The following NRF1 variants were observed in gnomAD, a reference collection of about 807,000 sequenced individuals.
NRF1 encodes alpha palindromic-binding protein.
Under a neutral mutation model 58.5 loss-of-function variants are expected in NRF1, and 5 were observed. The ratio of observed to expected loss-of-function variants is 0.09; its 90% CI spans 0.04 to 0.18. The LOEUF (loss-of-function observed/expected upper bound fraction) is 0.18. NRF1 is among the 10% of genes least tolerant of loss of function. The pLI is 1.00. For missense variants in NRF1, 288 were observed against 657.7 expected (o/e 0.44, Z 6.15); for synonymous variants, 224 against 246.7 (o/e 0.91, Z 0.86).
intron 10 of NRF1, among the ~76,000 whole-genome samples, chr7:129,729,821 T>A (rs997588819): frequency 5.9e-5 from 9 of 152,008 alleles, no homozygotes; most frequent in Non-Finnish European, 2.9e-5. Flanking sequence ...GTTGCCAGAG[T>A]TTGTTGCTTC....
In NRF1 at chr7:129,681,055, G is replaced by A. The variant is rs145090362; in HGVS notation, c.465+3297G>A. ...GGTCTTGAATGGGGAGATTATTCTC[G>A]ATTATCCAGGTAGGCCCTAAATGTA... On this transcript the variant is annotated intron_variant, in intron 4 of 10. Coordinates refer to ENST00000393232, the MANE Select transcript of NRF1 (RefSeq NM_005011.5). 2.4e-3 allele frequency among the ~76,000 whole-genome samples: 358 copies of A among 152,244 alleles called. 1 individual carries two copies. The highest frequency in any genetic ancestry group is 6.9e-3 in the African/African-American group (286 of 41,534).
At chr7:129,705,956 A>G (rs756881402) in intron 5 of NRF1, among the ~76,000 whole-genome samples, 5 of 151,902 alleles carry the variant, frequency 3.3e-5, no homozygotes, top group Non-Finnish European at 7.4e-5. Context: ...AGAGAGAGAG[A>G]GAGAATGAAT....
chr7:129,637,404 AAAG>A (rs912812606), intron 1 of NRF1, among the ~76,000 whole-genome samples: 9 of 152,232 alleles, frequency 5.9e-5, no homozygotes, highest in Admixed American at 2.0e-4. Context: ...CATTTGGTAA[AAAG>A]AAGAAGAGCT....
chr7:129,635,737 GT>G lies in NRF1; in HGVS notation c.-6-21608del, dbSNP rs1371931392. ...AGGCCCACGTCTCCAGTGCCCCCAA[GT>G]GGTTGTCTAGGTTTTGCAAGAGGAC... On this transcript the variant is annotated intron_variant, in intron 1 of 10. Coordinates refer to ENST00000393232, the MANE Select transcript of NRF1 (RefSeq NM_005011.5). Among the ~76,000 whole-genome samples the G allele has an allele frequency of 2.0e-5, 3 of 152,142 alleles. No individual in the cohort carries two copies. In the East Asian group the frequency reaches 5.8e-4, roughly 29 times the overall value.
chr7:129,755,721 C>T lies in NRF1; in HGVS notation c.*540C>T, dbSNP rs566222433. ...GCGTTGAGCTACTGACAAACTCAGG[C>T]GGAGGTGACCATGCCCTTCACCAAA... On this transcript the variant is annotated 3_prime_UTR_variant, in exon 11 of 11. Coordinates refer to ENST00000393232, the MANE Select transcript of NRF1 (RefSeq NM_005011.5). This position sits in a 1 kb window ranked among gnomAD's most constrained non-coding sequence, Gnocchi z 5.8. 1 of 152,710 alleles carries T rather than the reference C, an allele frequency of 6.5e-6. No individual in the cohort carries two copies. Among genetic ancestry groups the T allele is most frequent in the African/African-American group, 2.4e-5 (1 of 41,406 alleles). The allele number at this position is 152,710 out of a possible 1,614,324, so 9.5% of individuals were successfully genotyped here. A position where few individuals can be genotyped will look rare whatever the true frequency, so the allele number is the denominator to read the frequency against.
At chr7:129,684,416 T>C (rs1366804816) in intron 4 of NRF1, among the ~76,000 whole-genome samples, 1 of 151,544 alleles carries the variant, frequency 6.6e-6, no homozygotes, top group Non-Finnish European at 1.5e-5. Context: ...ATTAACTTAG[T>C]AAGAAAATAA....
intron 3 of NRF1, 35 bp from the exon 4 acceptor site, chr7:129,677,597 A>C: frequency 6.2e-7 from 1 of 1,609,928 alleles, no homozygotes; most frequent in Non-Finnish European, 8.5e-7. Context: ...CCGTCTTTTT[A>C]AAACTTTTTA....
chr7:129,715,781 G>T (rs1466751676), intron 8 of NRF1, among the ~76,000 whole-genome samples: 2 of 152,062 alleles, frequency 1.3e-5, no homozygotes, highest in African/African-American at 4.8e-5. Flanking sequence ...GAGGCAGGTG[G>T]ATCACCTGAA....
chr7:129,746,750 A>G (rs966078169), intron 10 of NRF1, among the ~76,000 whole-genome samples: 1 of 152,218 alleles, frequency 6.6e-6, no homozygotes, highest in African/African-American at 2.4e-5. Context: ...GTTCATGTTC[A>G]TAAACTAAAG....
At chr7:129,680,059 C>CA (rs1562968533) in intron 4 of NRF1, among the ~76,000 whole-genome samples, 1 of 151,372 alleles carries the variant, frequency 6.6e-6, no homozygotes. Flanking sequence ...GACTCTGTCT[C>CA]AAAAAAATAA....
At chr7:129,665,047 G>T (rs1372066853) in intron 2 of NRF1, among the ~76,000 whole-genome samples, 1 of 152,244 alleles carries the variant, frequency 6.6e-6, no homozygotes, top group Non-Finnish European at 1.5e-5. Context: ...ACAGCAGATT[G>T]CTGCTAGTTT....
chr7:129,747,683 GC>G (rs1403614818), intron 10 of NRF1, among the ~76,000 whole-genome samples: 1 of 152,210 alleles, frequency 6.6e-6, no homozygotes, highest in Non-Finnish European at 1.5e-5. Flanking sequence ...CCATTAAACA[GC>G]AGAACCAAGA....
At position 129,741,007 on chromosome 7, in the gene NRF1, T is replaced by G. The variant is rs1803833614; in HGVS notation, c.1348+13642T>G. 6.6e-6 allele frequency among the ~76,000 whole-genome samples: 1 copy of G among 152,178 alleles called. No homozygotes were observed. Among genetic ancestry groups the G allele is most frequent in the Non-Finnish European group, 1.5e-5 (1 of 68,026 alleles). ...CTTTTCATGTGAAAGACTGGATACC[T>G]CTAGTCGACATGTCAGGGCCCCAAA... On this transcript the variant is annotated intron_variant, in intron 10 of 10. Transcript: ENST00000393232. The surrounding 1 kb of genome is among the most constrained non-coding windows in gnomAD (Gnocchi z 4.0).
chr7:129,743,266 C>T (rs554111695), intron 10 of NRF1, among the ~76,000 whole-genome samples: 1 of 152,174 alleles, frequency 6.6e-6, no homozygotes, highest in Admixed American at 6.5e-5. Context: ...TTGGCCTTCT[C>T]CTAATTAAAC....
chr7:129,739,036 C>T (rs907486112), intron 10 of NRF1, among the ~76,000 whole-genome samples: 8 of 152,212 alleles, frequency 5.3e-5, no homozygotes, highest in African/African-American at 1.9e-4. Flanking sequence ...ATGGTGGCAG[C>T]TATGTTTTAC....
In NRF1 at chr7:129,637,458, A is replaced by G. The variant is rs571236188; in HGVS notation, c.-6-19888A>G. On this transcript the variant is annotated intron_variant, in intron 1 of 10. Coordinates refer to ENST00000393232, the MANE Select transcript of NRF1 (RefSeq NM_005011.5). ...TTCTTTCTCAAACCTGGACATAACA[A>G]TGGTTATAAAAGTAATCACAGTCTT... Among the ~76,000 whole-genome samples, 77 of 152,338 alleles carry G rather than the reference A, an allele frequency of 5.1e-4. 2 individuals carry two copies. In the South Asian group the frequency reaches 0.012, roughly 24 times the overall value.
intron 2 of NRF1, 119 bp from the exon 3 acceptor site, chr7:129,671,306 ATTCT>A (rs760324844): frequency 8.3e-6 from 5 of 603,358 alleles, no homozygotes; most frequent in Non-Finnish European, 1.5e-5. Flanking sequence ...TATCAGGATC[ATTCT>A]TTATTTACCG....
chr7:129,713,446 T>C lies in NRF1; in HGVS notation c.1065+1870T>C, dbSNP rs115395170. ...CGTGAATTTTAAACTGAACCATCAA[T>C]ATATGTAACAGTTTTGAATTGCATA... On this transcript the variant is annotated intron_variant, in intron 8 of 10. Transcript: ENST00000393232. 1.9e-3 allele frequency among the ~76,000 whole-genome samples: 295 copies of C among 152,318 alleles called. 4 individuals are homozygous for C. Among genetic ancestry groups the C allele is most frequent in the African/African-American group, 6.6e-3 (274 of 41,566 alleles).
At chr7:129,632,150 C>T (rs553166727) in intron 1 of NRF1, among the ~76,000 whole-genome samples, 7 of 152,062 alleles carry the variant, frequency 4.6e-5, no homozygotes, top group Middle Eastern at 3.4e-3. Flanking sequence ...GTAATGTGCA[C>T]GTAGTCCCAG....
Sources: allele counts gnomAD v4.1 joint callset (sites outside exome capture counted in the v4.1 genomes callset), GRCh38; gene constraint gnomAD v4.1.1; non-coding constraint Gnocchi (gnomAD v3.1); transcripts MANE v1.5; gene names NCBI Gene and HGNC (gene_info 2026-07-23, HGNC 2026-07-21).